CPED1: variants seen among roughly 807,000 people sequenced by gnomAD.
CPED1 encodes cadherin-like and PC-esterase domain-containing protein 1.
In CPED1, 114 loss-of-function variants were observed where a neutral mutation model predicts 128.2. The ratio of observed to expected loss-of-function variants is 0.89; its 90% CI spans 0.76 to 1.04. The LOEUF is 1.04. CPED1 is among the 50% of genes least tolerant of loss of function. CPED1 has a pLI of 0.00. For synonymous variants in CPED1, 462 were observed against 426.7 expected (o/e 1.08, Z -1.02); for missense variants, 1,211 against 1,207.1 (o/e 1.00, Z -0.05).
chr7:121,282,224 T>A (rs1245228540), intron 22 of CPED1, among the ~76,000 whole-genome samples: 3 of 152,190 alleles, frequency 2.0e-5, no homozygotes, highest in Admixed American at 6.5e-5. Flanking sequence ...ATCTGAGGCC[T>A]TTTGTCTCTG....
chr7:121,288,568 T>C (rs976701606), intron 22 of CPED1, among the ~76,000 whole-genome samples: 2 of 152,208 alleles, frequency 1.3e-5, no homozygotes, highest in Admixed American at 6.5e-5. Context: ...CTTCAGCAGT[T>C]ACACTGGAGA....
intron 4 of CPED1, among the ~76,000 whole-genome samples, chr7:121,047,662 T>C (rs113649822): frequency 0.14 from 1,683 of 11,878 alleles, 19 homozygotes; most frequent in African/African-American, 0.2. Context: ...CTTCTTCTTC[T>C]TCTTCTTCTT....
intron 17 of CPED1, among the ~76,000 whole-genome samples, chr7:121,237,315 T>C (rs1391713110): frequency 6.6e-6 from 1 of 152,108 alleles, no homozygotes; most frequent in Non-Finnish European, 1.5e-5. Flanking sequence ...AGTTAGAAAA[T>C]AAATATCTGG....
At chr7:121,265,723 G>A (rs547093573) in intron 18 of CPED1, among the ~76,000 whole-genome samples, 5 of 152,100 alleles carry the variant, frequency 3.3e-5, no homozygotes, top group African/African-American at 1.2e-4. Flanking sequence ...AAATGGCACT[G>A]GGATAGGCAC....
intron 16 of CPED1, among the ~76,000 whole-genome samples, chr7:121,160,160 A>G (rs1276394876): frequency 2.0e-5 from 3 of 151,828 alleles, no homozygotes; most frequent in South Asian, 4.2e-4. Context: ...TAGTAGGTGT[A>G]TGTATTTATG....
At chr7:121,240,054 A>G (rs1223332671) in intron 17 of CPED1, among the ~76,000 whole-genome samples, 1 of 152,210 alleles carries the variant, frequency 6.6e-6, no homozygotes, top group Admixed American at 6.5e-5. Flanking sequence ...TTAACTCACA[A>G]TAAATAAAAG....
At chr7:121,290,199 G>T (rs2116788637) in intron 22 of CPED1, among the ~76,000 whole-genome samples, 1 of 152,268 alleles carries the variant, frequency 6.6e-6, no homozygotes. Context: ...TCCTCATCCA[G>T]TCTAACATTG....
intron 22 of CPED1, 89 bp from the exon 23 acceptor site, chr7:121,295,351 A>C: frequency 1.4e-6 from 2 of 1,445,824 alleles, no homozygotes; most frequent in African/African-American, 1.4e-5. Context: ...TCTGTGTGGC[A>C]GAGATGCATG....
intron 5 of CPED1, among the ~76,000 whole-genome samples, chr7:121,097,282 G>A (rs1258000047): frequency 6.6e-6 from 1 of 152,026 alleles, no homozygotes; most frequent in Non-Finnish European, 1.5e-5. Flanking sequence ...TAGTATATCA[G>A]CATTGTATTG....
chr7:121,167,608 A>T (rs1796560200), intron 16 of CPED1, among the ~76,000 whole-genome samples: 1 of 152,348 alleles, frequency 6.6e-6, no homozygotes, highest in South Asian at 2.1e-4. Flanking sequence ...TAACAATTTG[A>T]AACAGACACC....
intron 16 of CPED1, among the ~76,000 whole-genome samples, chr7:121,236,219 C>T (rs531231370): frequency 1.3e-5 from 2 of 152,220 alleles, no homozygotes; most frequent in Admixed American, 6.5e-5. Flanking sequence ...ATATTCAGTG[C>T]AGTGAAATGT....
chr7:121,120,982 A>C (rs934117674), intron 7 of CPED1, among the ~76,000 whole-genome samples: 6 of 150,076 alleles, frequency 4.0e-5, no homozygotes, highest in East Asian at 1.9e-4. Context: ...AAAAAAAAAA[A>C]AAAAACAAAA....
chr7:121,060,223 C>T (rs1470732606), intron 4 of CPED1, among the ~76,000 whole-genome samples: 1 of 152,246 alleles, frequency 6.6e-6, no homozygotes, highest in African/African-American at 2.4e-5. Context: ...CTCCCACCCC[C>T]TCCGTGGGCT....
chr7:121,050,984 C>A (rs1793337056), intron 4 of CPED1: 2 of 524,704 alleles, frequency 3.8e-6, no homozygotes, highest in African/African-American at 1.9e-5. Context: ...TCAGCTAAAC[C>A]TGCTCCTGCA....
rs140926845 is a variant in CPED1 at position 121,061,650 on chromosome 7, G to A, written c.541-2588G>A. On this transcript the variant is annotated intron_variant, in intron 4 of 22. Transcript: ENST00000310396. ...AAATAAAGTCCATTAAAAAATAATT[G>A]CAATGTTAAGCTGGAGAAGCTCATC... 2.2e-3 allele frequency among the ~76,000 whole-genome samples: 329 copies of A among 152,202 alleles called. 3 individuals are homozygous for A. Among genetic ancestry groups the A allele is most frequent in the African/African-American group, 7.6e-3 (315 of 41,542 alleles).
At chr7:121,051,098 T>A (rs926127387) in intron 4 of CPED1, 2 of 524,876 alleles carry the variant, frequency 3.8e-6, no homozygotes, top group African/African-American at 3.9e-5. Context: ...CAGGCCAAAG[T>A]GGCAAACCAA....
rs367713402 is a variant in CPED1 at position 120,989,849 on chromosome 7, T to C, written c.228T>C (p.Gly76=). Residue 76 remains glycine, a synonymous_variant, in exon 2 of 23, where the codon GGT becomes GGC. Transcript: ENST00000310396. The part of the protein sequence containing the change: ...SQDKQCFLLS[G]NAQETRKVKE... ...ACAAACAGTGCTTCCTTCTCTCTGGTAATGCCCAGGAAACCAGAAAGGTAA... is the reference window on the plus strand; with the variant it reads ...ACAAACAGTGCTTCCTTCTCTCTGGCAATGCCCAGGAAACCAGAAAGGTAA... 94 of 1,614,128 alleles carry C rather than the reference T, an allele frequency of 5.8e-5. No individual in the cohort carries two copies. The African/African-American group carries it at 1.2e-3, about 20-fold the overall frequency.
intron 16 of CPED1, among the ~76,000 whole-genome samples, chr7:121,207,425 T>C (rs1176590726): frequency 6.6e-6 from 1 of 152,044 alleles, no homozygotes; most frequent in African/African-American, 2.4e-5. Flanking sequence ...AAACAAATAT[T>C]CATCCCAGTC....
At chr7:121,109,717 G>T (rs1795060422) in intron 7 of CPED1, among the ~76,000 whole-genome samples, 1 of 152,054 alleles carries the variant, frequency 6.6e-6, no homozygotes, top group African/African-American at 2.4e-5. Flanking sequence ...TATTTGAAAG[G>T]TATAAGAATT....
Sources: gnomAD v4.1 joint callset for allele counts (sites outside exome capture counted in the v4.1 genomes callset) on GRCh38, gnomAD v4.1.1 for gene constraint, MANE v1.5 for transcripts, NCBI Gene and HGNC (gene_info 2026-07-23, HGNC 2026-07-21) for gene names.